JCAD: variants seen among roughly 807,000 people sequenced by gnomAD.
JCAD encodes the protein junctional cadherin 5-associated protein.
Under a neutral mutation model 98.0 loss-of-function variants are expected in JCAD, and 40 were observed. That is an observed-to-expected ratio of 0.41 (90% CI 0.32 to 0.53). The LOEUF is 0.53. Ranked by LOEUF, JCAD falls within the 20% of genes least tolerant of loss-of-function variation. JCAD has a pLI of 0.31. For missense variants in JCAD, 1,705 were observed against 1,738.1 expected (o/e 0.98, Z 0.34); for synonymous variants, 691 against 682.3 (o/e 1.01, Z -0.20).
intron 3 of JCAD, among the ~76,000 whole-genome samples, chr10:30,019,321 C>T (rs1171827766): frequency 4.1e-5 from 6 of 145,414 alleles, no homozygotes; most frequent in Non-Finnish European, 8.9e-5. Flanking sequence ...GGCGCCATTG[C>T]ACTCCAGCCT....
At position 30,028,574 on chromosome 10, in the gene JCAD, T is replaced by C. The variant is rs781109631; in HGVS notation, c.1574A>G (p.Gln525Arg). ...CTGGCTGCCTCTCACATCAGGCCAC[T>C]GTCCCCTTGCCACACAGCGGTCTCT... ...NQRDRCVARG[Q>R]WPDVRGSQHG... Residue 525 changes from glutamine to arginine, a missense_variant, in exon 3 of 4, where the codon CAG (glutamine) becomes CGG (arginine). Transcript: ENST00000375377. The C allele has an allele frequency of 1.9e-6, 3 of 1,614,204 alleles. No individual in the cohort carries two copies. Among genetic ancestry groups the C allele is most frequent in the African/African-American group, 1.3e-5 (1 of 75,066 alleles).
intron 1 of JCAD, among the ~76,000 whole-genome samples, chr10:30,110,694 T>G (rs186498795): frequency 6.6e-6 from 1 of 151,712 alleles, no homozygotes; most frequent in African/African-American, 2.4e-5. Flanking sequence ...CCCTGATATA[T>G]GGAGCAGCTG....
intron 1 of JCAD, among the ~76,000 whole-genome samples, chr10:30,105,354 C>CT (rs1238991904): frequency 3.4e-5 from 5 of 149,088 alleles, no homozygotes; most frequent in African/African-American, 1.2e-4. Context: ...TCTTTTCTTT[C>CT]TTTCTTTTTT....
At chr10:30,079,904 T>C (rs1838051125) in intron 1 of JCAD, among the ~76,000 whole-genome samples, 1 of 152,188 alleles carries the variant, frequency 6.6e-6, no homozygotes, top group South Asian at 2.1e-4. Flanking sequence ...TTACAATTGT[T>C]CCTAATCATC....
intron 1 of JCAD, among the ~76,000 whole-genome samples, chr10:30,053,229 T>C (rs953812094): frequency 6.6e-6 from 1 of 151,166 alleles, no homozygotes; most frequent in African/African-American, 2.4e-5. Flanking sequence ...GGGTGGGGGG[T>C]GCAGGCTATA....
intron 3 of JCAD, among the ~76,000 whole-genome samples, chr10:30,023,121 T>C (rs553125612): frequency 6.6e-5 from 10 of 152,282 alleles, no homozygotes; most frequent in Middle Eastern, 3.4e-3. Context: ...CACTGTAACC[T>C]CTGGCTCCCG....
At chr10:30,062,337 C>G (rs1419244923), upstream of JCAD, among the ~76,000 whole-genome samples, 1 of 152,152 alleles carries the variant, frequency 6.6e-6, no homozygotes, top group Non-Finnish European at 1.5e-5. Context: ...TTCCGTCTTT[C>G]CTCAGTACTG....
chr10:30,066,091 T>C (rs1188067401), intron 2 of JCAD, among the ~76,000 whole-genome samples: 1 of 152,200 alleles, frequency 6.6e-6, no homozygotes, highest in Non-Finnish European at 1.5e-5. Flanking sequence ...GATTGACACG[T>C]AGTATACAGT....
upstream of JCAD, among the ~76,000 whole-genome samples, chr10:30,060,660 A>G (rs2132660034): frequency 6.6e-6 from 1 of 152,214 alleles, no homozygotes; most frequent in East Asian, 1.9e-4. Flanking sequence ...TTAGGACTGT[A>G]TTTGCTGTCG....
chr10:30,082,751 T>C (rs1838105913), intron 1 of JCAD, among the ~76,000 whole-genome samples: 1 of 147,966 alleles, frequency 6.8e-6, no homozygotes, highest in African/African-American at 2.5e-5. Context: ...CTTCGGAAGC[T>C]GAGGCAGGAG....
Position 30,047,849 on chromosome 10 carries a change from C to G in JCAD, c.-37G>C. 2 of 1,570,052 alleles carry G rather than the reference C, an allele frequency of 1.3e-6. No individual in the cohort carries two copies. On this transcript the variant is annotated 5_prime_UTR_variant, in exon 2 of 4. It removes an upstream start codon present in the reference 5' UTR. Transcript: ENST00000375377. The stretch of plus-strand genomic sequence containing the variant: ...TTCAGCAAAGCTCAACCACTGGAAC[C>G]ATGGTGGTGGCAGGACCCAGCACTG...
upstream of JCAD, among the ~76,000 whole-genome samples, chr10:30,063,640 T>C (rs1322050648): frequency 6.6e-6 from 1 of 152,216 alleles, no homozygotes; most frequent in Non-Finnish European, 1.5e-5. Flanking sequence ...CACTGACACA[T>C]AATAATTGTA....
At chr10:30,053,300 C>T (rs571263597) in intron 1 of JCAD, among the ~76,000 whole-genome samples, 1 of 152,198 alleles carries the variant, frequency 6.6e-6, no homozygotes, top group South Asian at 2.1e-4. Context: ...CTGGCTCACA[C>T]CTTTGATCCC....
chr10:30,113,374 A>C (rs976111807), intron 1 of JCAD, among the ~76,000 whole-genome samples: 1 of 151,810 alleles, frequency 6.6e-6, no homozygotes, highest in Non-Finnish European at 1.5e-5. Context: ...AAAATGGTGA[A>C]ACCCTGTCTC....
At chr10:30,054,041 G>A (rs992681736) in intron 1 of JCAD, among the ~76,000 whole-genome samples, 1 of 152,170 alleles carries the variant, frequency 6.6e-6, no homozygotes, top group African/African-American at 2.4e-5. Flanking sequence ...CACCCTGAGC[G>A]ACAATGAGGC....
At chr10:30,102,245 T>C (rs931749421) in intron 1 of JCAD, among the ~76,000 whole-genome samples, 2 of 152,232 alleles carry the variant, frequency 1.3e-5, no homozygotes, top group Non-Finnish European at 2.9e-5. Context: ...CTTGGCTTAC[T>C]GCAACCTCCA....
At chr10:30,079,969 A>G (rs1838053272) in intron 1 of JCAD, among the ~76,000 whole-genome samples, 1 of 152,202 alleles carries the variant, frequency 6.6e-6, no homozygotes, top group African/African-American at 2.4e-5. Context: ...CAGAAAGAGC[A>G]AGAATGATAA....
At chr10:30,100,765 T>C (rs1838458896) in intron 1 of JCAD, among the ~76,000 whole-genome samples, 1 of 152,098 alleles carries the variant, frequency 6.6e-6, no homozygotes, top group Non-Finnish European at 1.5e-5. Flanking sequence ...CTAATATGAG[T>C]GACCAATGGC....
At chr10:30,031,913 C>A (rs1218450846) in intron 2 of JCAD, among the ~76,000 whole-genome samples, 2 of 151,598 alleles carry the variant, frequency 1.3e-5, no homozygotes, top group Admixed American at 6.6e-5. Context: ...CGCCACTACG[C>A]CCGGCTAATT....
Sources: allele counts gnomAD v4.1 joint callset (sites outside exome capture counted in the v4.1 genomes callset), GRCh38; gene constraint gnomAD v4.1.1; transcripts MANE v1.5; gene names NCBI Gene and HGNC (gene_info 2026-07-23, HGNC 2026-07-21).